The following DTWD2 variants were observed in gnomAD, a reference collection of about 807,000 sequenced individuals.
DTWD2 encodes the protein DTW motif tRNA-uridine aminocarboxypropyltransferase 2.
DTWD2 carries 39 observed loss-of-function variants against 31.8 expected under a neutral mutation model. The ratio of observed to expected loss-of-function variants is 1.22; its 90% confidence interval spans 0.95 to 1.60. DTWD2 has a LOEUF of 1.60. Ranked by LOEUF, DTWD2 falls within the 40% of genes most tolerant of loss-of-function variation. The pLI is 0.00. For missense variants in DTWD2, 515 were observed against 381.5 expected, an observed-to-expected ratio of 1.35 and a Z score of -2.92; for synonymous variants, 180 against 142.8, an observed-to-expected ratio of 1.26 and a Z score of -1.86.
chr5:118,895,118 A>T (rs892834871), intron 4 of DTWD2, among the ~76,000 whole-genome samples: 1 of 152,182 alleles, frequency 6.6e-6, no homozygotes, highest in Non-Finnish European at 1.5e-5. Context: ...AAAAAAATCT[A>T]AAGACTCCAC....
intron 1 of DTWD2, among the ~76,000 whole-genome samples, chr5:118,963,299 T>C (rs1754746789): frequency 6.6e-6 from 1 of 152,200 alleles, no homozygotes; most frequent in Non-Finnish European, 1.5e-5. Flanking sequence ...GAGCTGGACC[T>C]TGAAATAGAG....
At chr5:118,920,837 T>C (rs2149575203) in intron 4 of DTWD2, among the ~76,000 whole-genome samples, 1 of 152,276 alleles carries the variant, frequency 6.6e-6, no homozygotes, top group South Asian at 2.1e-4. Flanking sequence ...GCGTTCTTTG[T>C]TTTTTCCATG....
chr5:118,964,554 C>CGAA (rs879770278), intron 1 of DTWD2, among the ~76,000 whole-genome samples: 4,044 of 152,302 alleles, frequency 0.027, 178 homozygotes, highest in Admixed American at 0.12. Flanking sequence ...ATGCTCCTGC[C>CGAA]TCAGCCTGCC....
At chr5:118,844,035 T>C (rs926962683) in intron 5 of DTWD2, among the ~76,000 whole-genome samples, 7 of 152,208 alleles carry the variant, frequency 4.6e-5, no homozygotes, top group Admixed American at 1.3e-4. Context: ...ATCTAGATAG[T>C]TCCTCCATCA....
At position 118,847,629 on chromosome 5, in the gene DTWD2, T is replaced by G. The variant is rs529754308; in HGVS notation, c.726+461A>C. ...TAGGCATTTTTTTTTTCAAGAAAAA[T>G]GTCTTTTTTACATTCTAAGCAAGGT... On this transcript the variant is annotated intron_variant, in intron 5 of 5. Coordinates refer to ENST00000510708, the MANE Select transcript of DTWD2 (RefSeq NM_173666.4). 5.3e-5 allele frequency among the ~76,000 whole-genome samples: 8 copies of G among 151,238 alleles called. No homozygotes were observed. The East Asian group carries it at 1.5e-3, about 29-fold the overall frequency.
intron 4 of DTWD2, among the ~76,000 whole-genome samples, chr5:118,894,359 C>T (rs1753037365): frequency 6.6e-6 from 1 of 152,046 alleles, no homozygotes; most frequent in Admixed American, 6.5e-5. Context: ...AAAATTTATA[C>T]ACAGAAATGC....
chr5:118,936,308 G>T (rs541617163), intron 3 of DTWD2, among the ~76,000 whole-genome samples: 4 of 152,178 alleles, frequency 2.6e-5, no homozygotes, highest in Admixed American at 6.5e-5. Flanking sequence ...GAGGCCAAAG[G>T]GGGTAAGATA....
chr5:118,853,444 C>T (rs905267976), intron 4 of DTWD2, among the ~76,000 whole-genome samples: 3 of 152,076 alleles, frequency 2.0e-5, no homozygotes, highest in Admixed American at 6.5e-5. Flanking sequence ...AAGATACATG[C>T]ACTTATATGT....
chr5:118,937,181 C>T (rs1488922718), intron 3 of DTWD2, among the ~76,000 whole-genome samples: 3 of 151,906 alleles, frequency 2.0e-5, no homozygotes, highest in Admixed American at 1.3e-4. Flanking sequence ...CAATATAATA[C>T]ACTATATTAA....
At chr5:118,853,816 G>A (rs777541771) in intron 4 of DTWD2, among the ~76,000 whole-genome samples, 1 of 152,024 alleles carries the variant, frequency 6.6e-6, no homozygotes, top group Non-Finnish European at 1.5e-5. Context: ...TAAACGTCAG[G>A]CAATATACCC....
In DTWD2 at chr5:118,854,068, G is replaced by A. The variant is rs918016003; in HGVS notation, c.598-5850C>T. On this transcript the variant is annotated intron_variant, in intron 4 of 5. Transcript: ENST00000510708. ...ATTAGTCATAATTTATATCTCTGGA[G>A]GAACTTTGGTAAGTTAATAAAGTTG... Among the ~76,000 whole-genome samples the A allele has an allele frequency of 4.6e-5, 7 of 151,988 alleles. No homozygotes were observed. The East Asian group carries it at 1.2e-3, about 25-fold the overall frequency.
rs888251031 is a variant in DTWD2, at chr5:118,839,808, A to C, written c.*1109T>G. 5 of 152,244 alleles carry C rather than the reference A, an allele frequency of 3.3e-5. No individual in the cohort carries two copies. Among genetic ancestry groups the C allele is most frequent in the African/African-American group, 1.2e-4 (5 of 41,472 alleles). 9.4% of individuals were successfully genotyped at this position (152,244 alleles called of 1,614,324 possible). ...CCTTTTAATGAGTCTAATCCAAGTA[A>C]ATAATAAACAAATGATCATGAAAAC... On this transcript the variant is annotated 3_prime_UTR_variant, in exon 6 of 6. Transcript: ENST00000510708.
rs1450032863 is a variant in DTWD2, at chr5:118,837,186, T to C, written c.*3731A>G. The C allele has an allele frequency of 6.6e-6, 1 of 151,962 alleles. No individual in the cohort carries two copies. Among genetic ancestry groups the C allele is most frequent in the African/African-American group, 2.4e-5 (1 of 41,380 alleles). 9.4% of individuals were successfully genotyped at this position (151,962 alleles called of 1,614,324 possible). On this transcript the variant is annotated 3_prime_UTR_variant, in exon 6 of 6. Transcript: ENST00000510708. ...AAGACCCTGGGAAGGAGGAAGAAAG[T>C]GTGAAGAGAAAAGAGAGAGAATATG...
chr5:118,963,670 C>A (rs1034107874), intron 1 of DTWD2, among the ~76,000 whole-genome samples: 1 of 152,146 alleles, frequency 6.6e-6, no homozygotes, highest in African/African-American at 2.4e-5. Context: ...TAGCACAGGA[C>A]TGAAAAAATT....
At chr5:118,974,982 G>A (rs1183913502) in intron 1 of DTWD2, among the ~76,000 whole-genome samples, 1 of 152,190 alleles carries the variant, frequency 6.6e-6, no homozygotes, top group African/African-American at 2.4e-5. Flanking sequence ...CAACCTTGGT[G>A]AATCTGATGA....
intron 4 of DTWD2, among the ~76,000 whole-genome samples, chr5:118,904,487 A>C (rs939617750): frequency 6.6e-6 from 1 of 152,142 alleles, no homozygotes; most frequent in Admixed American, 6.5e-5. Flanking sequence ...ACACACGTTT[A>C]TGTAGCAGGA....
At chr5:118,883,648 G>A (rs933383421) in intron 4 of DTWD2, among the ~76,000 whole-genome samples, 2 of 152,132 alleles carry the variant, frequency 1.3e-5, no homozygotes, top group East Asian at 3.9e-4. Flanking sequence ...GGCCACAGGA[G>A]AGAGAGCACA....
intron 4 of DTWD2, among the ~76,000 whole-genome samples, chr5:118,909,208 T>C (rs1753403869): frequency 6.6e-6 from 1 of 152,196 alleles, no homozygotes; most frequent in Non-Finnish European, 1.5e-5. Flanking sequence ...CCTATTGGCA[T>C]CAACCACATG....
chr5:118,919,892 C>A (rs1753662967), intron 4 of DTWD2, among the ~76,000 whole-genome samples: 1 of 152,032 alleles, frequency 6.6e-6, no homozygotes, highest in African/African-American at 2.4e-5. Flanking sequence ...TAGGCTTATA[C>A]ATGTAAGATG....
Sources: allele counts gnomAD v4.1 joint callset (sites outside exome capture counted in the v4.1 genomes callset), GRCh38; gene constraint gnomAD v4.1.1; transcripts MANE v1.5; gene names NCBI Gene and HGNC (gene_info 2026-07-23, HGNC 2026-07-21).